Variants in CD163L1 observed in about 807,000 individuals in gnomAD.
CD163L1 encodes scavenger receptor cysteine-rich type 1 protein M160.
In CD163L1, 124 loss-of-function variants were observed where a neutral mutation model predicts 165.4. That is an observed-to-expected ratio of 0.75 (90% CI 0.65 to 0.87). The LOEUF is 0.87. Among genes scored for constraint, CD163L1 ranks in the 40% least tolerant of loss-of-function variants. The pLI, the probability that CD163L1 is intolerant of heterozygous loss-of-function variation, is 0.00. For missense variants in CD163L1, 1,525 were observed against 1,799.9 expected, an observed-to-expected ratio of 0.85 and a Z score of 2.76; for synonymous variants, 585 against 662.2, an observed-to-expected ratio of 0.88 and a Z score of 1.79.
At chr12:7,346,307 C>A (rs1022509479), downstream of CD163L1, among the ~76,000 whole-genome samples, 3 of 151,968 alleles carry the variant, frequency 2.0e-5, no homozygotes, top group African/African-American at 7.2e-5. Context: ...CTCCCCTTTT[C>A]TATGTTTTTT....
At chr12:7,439,456 A>C (rs1948783926) in intron 2 of CD163L1, 1 of 1,584,998 alleles carries the variant, frequency 6.3e-7, no homozygotes, top group Non-Finnish European at 8.5e-7. Flanking sequence ...CTTGTCTTTT[A>C]GCTTCCCGGC....
downstream of CD163L1, among the ~76,000 whole-genome samples, chr12:7,351,091 C>T (rs1475812601): frequency 6.6e-6 from 1 of 151,974 alleles, no homozygotes; most frequent in Admixed American, 6.6e-5. Flanking sequence ...ATTGTCATGT[C>T]TCTTTATAAA....
At chr12:7,405,384 T>C (rs1947997251) in intron 5 of CD163L1, among the ~76,000 whole-genome samples, 4 of 152,254 alleles carry the variant, frequency 2.6e-5, no homozygotes, top group Admixed American at 2.0e-4. Context: ...ATTTTTCTTA[T>C]AAAATGATGG....
chr12:7,382,992 C>T (rs927461943), intron 8 of CD163L1, among the ~76,000 whole-genome samples: 5 of 152,178 alleles, frequency 3.3e-5, no homozygotes, highest in African/African-American at 4.8e-5. Context: ...AGAGCTGAAG[C>T]ATCTCCCCAG....
At chr12:7,320,413 G>C in the CD163L1 span, among the ~76,000 whole-genome samples, 1 of 152,204 alleles carries the variant, frequency 6.6e-6, no homozygotes, top group Non-Finnish European at 1.5e-5. Flanking sequence ...TAAGAGGTAA[G>C]TTGTAGCCCT....
At position 7,406,796 on chromosome 12, in the gene CD163L1, C is replaced by T. The variant is rs1948028543; in HGVS notation, c.823G>A (p.Val275Ile). 1.9e-6 allele frequency: 3 copies of T among 1,613,924 alleles called. No homozygotes were observed. The highest frequency in any genetic ancestry group is 1.1e-5 in the South Asian group (1 of 91,086). Residue 275 changes from valine to isoleucine, a missense_variant, in exon 5 of 20, where the codon GTA becomes ATA. Physicochemically the swap from Val to Ile is conservative, Grantham distance 29. Coordinates refer to ENST00000313599, the MANE Select transcript of CD163L1 (RefSeq NM_174941.6). Reference protein sequence around the residue: ...VGGTNRCMGRVELKIQGRWGT... With the variant: ...VGGTNRCMGRIELKIQGRWGT... The stretch of plus-strand genomic sequence containing the variant: ...CACCTTCCTTGGATTTTCAGCTCTA[C>T]TCTCCCCATACAGCGGTTAGTTCCA...
At chr12:7,414,339 C>CAG (rs773432866) in intron 4 of CD163L1, among the ~76,000 whole-genome samples, 25 of 151,942 alleles carry the variant, frequency 1.6e-4, no homozygotes, top group Non-Finnish European at 3.2e-4. Context: ...AAATTCAATA[C>CAG]AGAGCTTCAG....
At chr12:7,439,975 G>A (rs1322741829) in intron 2 of CD163L1, 24 of 1,559,338 alleles carry the variant, frequency 1.5e-5, no homozygotes, top group East Asian at 2.3e-5. Context: ...CGCTCCCTCC[G>A]CAGCCTGCTC....
At position 7,368,817 on chromosome 12, in the gene CD163L1, A is replaced by C; in HGVS notation, c.4072+116T>G. ...TGATACCACTGGCTGCGACCCACAG[A>C]CTCATATTTCTGCAGTCCCCAGTCT... On this transcript the variant is annotated intron_variant, in intron 16 of 19. Transcript: ENST00000313599. This position sits in a 1 kb window ranked among gnomAD's most constrained non-coding sequence, Gnocchi z 4.3. 1 of 1,134,522 alleles carries C rather than the reference A, an allele frequency of 8.8e-7. No individual in the cohort carries two copies. The highest frequency in any genetic ancestry group is 1.3e-6 in the Non-Finnish European group (1 of 753,594). 70.3% of individuals were successfully genotyped at this position (1,134,522 alleles called of 1,614,324 possible). A position where few individuals can be genotyped will look rare whatever the true frequency, so the allele number is the denominator to read the frequency against.
intron 2 of CD163L1, chr12:7,438,809 C>CT (rs1246896495): frequency 6.5e-7 from 1 of 1,528,338 alleles, no homozygotes; most frequent in African/African-American, 1.4e-5. Context: ...CCAGAGGCCT[C>CT]TCTCTTCCCC....
Position 7,374,463 on chromosome 12 carries a change from C to T in CD163L1, c.3388G>A (p.Asp1130Asn), listed in dbSNP as rs1176985820. Residue 1130 changes from aspartate (D) to asparagine (N), a missense_variant, in exon 13 of 20, where the codon GAC (aspartate) becomes AAC (asparagine). Transcript: ENST00000313599. This position sits in a 1 kb window ranked among gnomAD's most constrained non-coding sequence, Gnocchi z 5.4. ...AGACCTGAGCAGATGACCCCTGCGT[C>T]CTCCTTGTGCCTGCAGTCGTGCTGC... ...WGQHDCRHKE[D>N]AGVICSEFTA... 2 of 1,613,450 alleles carry T rather than the reference C, an allele frequency of 1.2e-6. No homozygotes were observed. Among genetic ancestry groups the T allele is most frequent in the South Asian group, 1.1e-5 (1 of 90,918 alleles).
rs749270962 is a variant in CD163L1, at chr12:7,439,352, G to T, written c.124+1802C>A. 2.5e-4 allele frequency: 394 copies of T among 1,593,530 alleles called. 3 individuals carry two copies. In the East Asian group the frequency reaches 8.4e-3, roughly 34 times the overall value. On this transcript the variant is annotated intron_variant, in intron 2 of 19. Coordinates refer to ENST00000313599, the MANE Select transcript of CD163L1 (RefSeq NM_174941.6). ...TTACTTCATCTTTTTTGGGCTTTTT[G>T]GACTCCTTTAGTTCTTCTTTGGCTT...
rs1460795654 is a variant in CD163L1 at position 7,428,179 on chromosome 12, T to TCCC, written c.766+4234_766+4236dup. Among the ~76,000 whole-genome samples the TCCC allele has an allele frequency of 1.2e-4, 18 of 152,130 alleles. No individual in the cohort carries two copies. In the East Asian group the frequency reaches 3.5e-3, roughly 29 times the overall value. On this transcript the variant is annotated intron_variant, in intron 4 of 19. Transcript: ENST00000313599. ...CCTAGCTGTTTTGATTGCCAAGATA[T>TCCC]CCCCTTTATGGTTTTAACTATCATC...
intron 4 of CD163L1, among the ~76,000 whole-genome samples, chr12:7,419,861 T>A (rs1352127474): frequency 6.6e-6 from 1 of 151,668 alleles, no homozygotes; most frequent in Admixed American, 6.6e-5. Flanking sequence ...GAAAAAACAA[T>A]CCTAGAAATC....
downstream of CD163L1, among the ~76,000 whole-genome samples, chr12:7,345,104 GC>G (rs1946660216): frequency 6.6e-6 from 1 of 150,810 alleles, no homozygotes; most frequent in Non-Finnish European, 1.5e-5. Context: ...TTGCTCCACA[GC>G]CCATTTGAAT....
At position 7,373,616 on chromosome 12, in the gene CD163L1, C is replaced by T. The variant is rs775920670; in HGVS notation, c.3434G>A (p.Ser1145Asn). 1.1e-5 allele frequency: 17 copies of T among 1,606,874 alleles called. No homozygotes were observed. The highest frequency in any genetic ancestry group is 6.6e-5 in the South Asian group (6 of 90,704). ...AGCACAGCTCTCTGTTTCAGTTTCA[C>T]TGTAGAGCCTCAAGGCTGTGAATTC... is the stretch of plus-strand genomic sequence containing the variant. ...CSEFTALRLY[S>N]ETETESCAGR... Residue 1145 changes from serine to asparagine, a missense_variant, in exon 14 of 20, where the codon AGT becomes AAT. Transcript: ENST00000313599.
chr12:7,440,399 G>GCGCGCCCAGCCCGGCCAGCTCC (rs1280775261), intron 2 of CD163L1, among the ~76,000 whole-genome samples: 14 of 151,570 alleles, frequency 9.2e-5, no homozygotes, highest in Admixed American at 1.3e-4. Flanking sequence ...CGGGACCGCG[G>GCGCGCCCAGCCCGGCCAGCTCC]CGCGCCCAGC....
chr12:7,336,875 C>T, the CD163L1 span, among the ~76,000 whole-genome samples: 1 of 151,950 alleles, frequency 6.6e-6, no homozygotes, highest in Non-Finnish European at 1.5e-5. Flanking sequence ...CAACCCTAAG[C>T]AAAAAGAGCA....
chr12:7,392,340 A>G (rs1443682394), intron 8 of CD163L1, among the ~76,000 whole-genome samples: 1 of 152,206 alleles, frequency 6.6e-6, no homozygotes, highest in Non-Finnish European at 1.5e-5. Flanking sequence ...TAAATAACGA[A>G]ATGAAGGCAG....
Sources: gnomAD v4.1 joint callset for allele counts (sites outside exome capture counted in the v4.1 genomes callset) on GRCh38, gnomAD v4.1.1 for gene constraint, Gnocchi (gnomAD v3.1) non-coding constraint, MANE v1.5 for transcripts, NCBI Gene and HGNC (gene_info 2026-07-23, HGNC 2026-07-21) for gene names.